Variants in STARD13 observed in about 807,000 individuals in gnomAD.
STARD13 encodes the protein StAR related lipid transfer domain containing 13, also known as stAR-related lipid transfer protein 13.
STARD13 carries 62 observed loss-of-function variants against 106.4 expected under a neutral mutation model. That is an observed-to-expected ratio of 0.58 (90% CI 0.48 to 0.72). STARD13 has a LOEUF of 0.72. STARD13 is among the 30% of genes least tolerant of loss of function. STARD13 has a pLI of 0.00. For missense variants in STARD13, 1,387 were observed against 1,424.0 expected (o/e 0.97, Z 0.42); for synonymous variants, 565 against 553.0 (o/e 1.02, Z -0.31).
At chr13:33,329,704 C>CTT (rs1270014763) in intron 1 of STARD13, among the ~76,000 whole-genome samples, 13 of 126,314 alleles carry the variant, frequency 1.0e-4, no homozygotes, top group African/African-American at 3.5e-4. Flanking sequence ...CACTTTCTTT[C>CTT]TTTTTTTTTT....
At chr13:33,437,948 C>T in the STARD13 span, among the ~76,000 whole-genome samples, 1 of 152,176 alleles carries the variant, frequency 6.6e-6, no homozygotes, top group African/African-American at 2.4e-5. Context: ...ACCGAACTCT[C>T]ATGCACGATA....
At chr13:33,189,771 G>A (rs1446698561) in intron 1 of STARD13, among the ~76,000 whole-genome samples, 2 of 151,740 alleles carry the variant, frequency 1.3e-5, no homozygotes, top group Admixed American at 1.3e-4. Flanking sequence ...TGTACAAAAT[G>A]GTCCTCTGCC....
At chr13:33,136,460 C>G (rs1240703894) in intron 4 of STARD13, among the ~76,000 whole-genome samples, 1 of 152,256 alleles carries the variant, frequency 6.6e-6, no homozygotes, top group Non-Finnish European at 1.5e-5. Flanking sequence ...TACAAACCCA[C>G]AGACTGGATT....
the STARD13 span, among the ~76,000 whole-genome samples, chr13:33,464,022 T>A: frequency 1.6e-4 from 21 of 130,494 alleles, no homozygotes; most frequent in African/African-American, 5.3e-4. Context: ...AAAAAAAAAA[T>A]ACATATATAT....
intron 7 of STARD13, among the ~76,000 whole-genome samples, chr13:33,125,426 C>G (rs73461999): frequency 2.0e-5 from 3 of 151,916 alleles, no homozygotes; most frequent in Non-Finnish European, 4.4e-5. Context: ...ACAGGACGGA[C>G]AGCACTCTGG....
At chr13:33,289,726 C>T (rs1892213084), upstream of STARD13, among the ~76,000 whole-genome samples, 2 of 151,946 alleles carry the variant, frequency 1.3e-5, no homozygotes, top group South Asian at 4.2e-4. Context: ...GGCTAAAATC[C>T]CGTGGTGATT....
intron 1 of STARD13, among the ~76,000 whole-genome samples, chr13:33,212,628 A>T (rs1248399912): frequency 6.6e-6 from 1 of 152,188 alleles, no homozygotes; most frequent in African/African-American, 2.4e-5. Context: ...TCAAGTCGCA[A>T]CTTGAGGTTC....
intron 1 of STARD13, among the ~76,000 whole-genome samples, chr13:33,232,575 ATCTCT>A (rs1190182897): frequency 1.8e-4 from 28 of 152,156 alleles, no homozygotes; most frequent in African/African-American, 6.7e-4. Context: ...ATAATCTCTC[ATCTCT>A]TCTCTTCTCC....
the STARD13 span, among the ~76,000 whole-genome samples, chr13:33,373,427 T>C: frequency 1.3e-5 from 2 of 152,156 alleles, no homozygotes; most frequent in African/African-American, 2.4e-5. Context: ...AAAATATAAA[T>C]ATTGATTAGA....
At chr13:33,374,638 A>C in the STARD13 span, among the ~76,000 whole-genome samples, 1 of 152,196 alleles carries the variant, frequency 6.6e-6, no homozygotes, top group Non-Finnish European at 1.5e-5. Flanking sequence ...GAAATTTTTC[A>C]TGGAGTATAT....
chr13:33,167,762 G>C (rs1883497798), intron 1 of STARD13, 140 bp from the exon 2 acceptor site: 1 of 762,968 alleles, frequency 1.3e-6, no homozygotes, highest in Non-Finnish European at 2.2e-6. Flanking sequence ...GCATAAGTAG[G>C]CTTACCCGGG....
chr13:33,414,104 G>T, the STARD13 span, among the ~76,000 whole-genome samples: 1 of 150,332 alleles, frequency 6.7e-6, no homozygotes, highest in African/African-American at 2.4e-5. Flanking sequence ...CATAGGAAAA[G>T]GCATATTAAA....
At chr13:33,448,558 T>G in the STARD13 span, among the ~76,000 whole-genome samples, 1 of 152,192 alleles carries the variant, frequency 6.6e-6, no homozygotes, top group South Asian at 2.1e-4. Context: ...TGTACTGTGC[T>G]AAACACAGGA....
chr13:33,669,457 C>G, the STARD13 span, among the ~76,000 whole-genome samples: 1 of 151,608 alleles, frequency 6.6e-6, no homozygotes, highest in Non-Finnish European at 1.5e-5. Context: ...TCCTTTGGGA[C>G]TTCCACCGCT....
the STARD13 span, among the ~76,000 whole-genome samples, chr13:33,639,205 G>A: frequency 6.6e-6 from 1 of 152,306 alleles, no homozygotes; most frequent in South Asian, 2.1e-4. Flanking sequence ...AGAGTTAACA[G>A]GAGGAGGTTG....
the STARD13 span, among the ~76,000 whole-genome samples, chr13:33,616,808 T>C: frequency 6.6e-5 from 10 of 152,212 alleles, no homozygotes; most frequent in Admixed American, 5.9e-4. Flanking sequence ...AAAATAGTCT[T>C]TATTTTAATT....
chr13:33,335,624 G>T (rs1420059120), intron 1 of STARD13, among the ~76,000 whole-genome samples: 1 of 152,232 alleles, frequency 6.6e-6, no homozygotes, highest in African/African-American at 2.4e-5. Flanking sequence ...GTTAGTAACG[G>T]TAAGCATAGT....
the STARD13 span, among the ~76,000 whole-genome samples, chr13:33,404,345 C>G: frequency 6.6e-6 from 1 of 152,030 alleles, no homozygotes; most frequent in Admixed American, 6.6e-5. Flanking sequence ...GATGTGTTTT[C>G]CCACAAACAA....
the STARD13 span, among the ~76,000 whole-genome samples, chr13:33,646,798 A>G: frequency 7.2e-5 from 11 of 152,198 alleles, no homozygotes; most frequent in Admixed American, 6.5e-4. Flanking sequence ...GAAATGTTAC[A>G]TGCAAATTCT....
Sources: allele counts gnomAD v4.1 joint callset (sites outside exome capture counted in the v4.1 genomes callset), GRCh38; gene constraint gnomAD v4.1.1; transcripts MANE v1.5; gene names NCBI Gene and HGNC (gene_info 2026-07-23, HGNC 2026-07-21).